The following SLC2A13 variants were observed in gnomAD, a reference collection of about 807,000 sequenced individuals.
SLC2A13 encodes the protein proton myo-inositol cotransporter.
In SLC2A13, 32 loss-of-function variants were observed where a neutral mutation model predicts 64.4. The observed-to-expected ratio is 0.50, with a 90% CI of 0.37 to 0.67. SLC2A13 has a LOEUF of 0.67. Among genes scored for constraint, SLC2A13 ranks in the 30% least tolerant of loss-of-function variants. SLC2A13 has a pLI of 0.00. For synonymous variants in SLC2A13, 338 were observed against 327.1 expected (o/e 1.03, Z -0.36); for missense variants, 743 against 829.2 (o/e 0.90, Z 1.28).
intron 1 of SLC2A13, among the ~76,000 whole-genome samples, chr12:40,078,252 G>C (rs1565617460): frequency 6.6e-6 from 1 of 152,044 alleles, no homozygotes. Context: ...ATGATTCCAG[G>C]TTTTACCCAT....
intron 1 of SLC2A13, among the ~76,000 whole-genome samples, chr12:40,070,110 G>C (rs1196535452): frequency 2.0e-5 from 3 of 150,428 alleles, no homozygotes; most frequent in African/African-American, 7.3e-5. Context: ...GTTTGACAAA[G>C]AGTATTATTA....
At chr12:39,809,646 T>C (rs938476968) in intron 7 of SLC2A13, among the ~76,000 whole-genome samples, 3 of 152,176 alleles carry the variant, frequency 2.0e-5, no homozygotes, top group Non-Finnish European at 4.4e-5. Context: ...CCTAATGCTA[T>C]CCTTTCCCCA....
chr12:39,878,088 C>A (rs1944237331), intron 4 of SLC2A13, among the ~76,000 whole-genome samples: 2 of 152,204 alleles, frequency 1.3e-5, no homozygotes, highest in Admixed American at 1.3e-4. Context: ...TCCCAAGAAG[C>A]TAAGCAGATG....
rs1448666197 is a variant in SLC2A13, at chr12:39,896,521, CATGTATACATGT to C, written c.1035-24572_1035-24561del. Among the ~76,000 whole-genome samples, 180 of 126,744 alleles carry C rather than the reference CATGTATACATGT, an allele frequency of 1.4e-3. 2 individuals are homozygous for C. The highest frequency in any genetic ancestry group is 5.1e-3 in the African/African-American group (169 of 33,332). 83.1% of individuals were successfully genotyped at this position (126,744 alleles called of 152,430 possible). A position where few individuals can be genotyped will look rare whatever the true frequency, so the allele number is the denominator to read the frequency against. ...ATATATGTATGTACATGTGTGTATA[CATGTATACATGT>C]ATGTATGTATGTGTGTATACATGTA... On this transcript the variant is annotated intron_variant, in intron 4 of 9. Coordinates refer to ENST00000280871, the MANE Select transcript of SLC2A13 (RefSeq NM_052885.4).
Position 39,871,098 on chromosome 12 carries a change from A to G in SLC2A13, c.1198+700T>C, listed in dbSNP as rs150280495. Among the ~76,000 whole-genome samples the G allele has an allele frequency of 2.3e-3, 348 of 152,320 alleles. 1 individual carries two copies. The highest frequency in any genetic ancestry group is 7.9e-3 in the African/African-American group (327 of 41,582). ...CATATTTGAAAAAAATTAGAAAATT[A>G]TACCATGCAGCCATGTAAAATCAAT... On this transcript the variant is annotated intron_variant, in intron 5 of 9. Coordinates refer to ENST00000280871, the MANE Select transcript of SLC2A13 (RefSeq NM_052885.4).
chr12:39,844,244 TG>T (rs898999810), intron 6 of SLC2A13, among the ~76,000 whole-genome samples: 7 of 152,102 alleles, frequency 4.6e-5, no homozygotes, highest in African/African-American at 1.7e-4. Context: ...TTCTACTTAT[TG>T]AGAACTTTTA....
At chr12:39,951,524 T>C (rs904505633) in intron 3 of SLC2A13, among the ~76,000 whole-genome samples, 159 bp from the exon 4 acceptor site, 1 of 152,182 alleles carries the variant, frequency 6.6e-6, no homozygotes, top group Non-Finnish European at 1.5e-5. Flanking sequence ...CTGGGTACAA[T>C]ATTTTATTTT....
intron 2 of SLC2A13, among the ~76,000 whole-genome samples, chr12:40,037,100 C>T (rs761127403): frequency 6.6e-6 from 1 of 152,082 alleles, no homozygotes; most frequent in Non-Finnish European, 1.5e-5. Flanking sequence ...GATTTATTCC[C>T]CTTTTACATA....
chr12:39,962,492 TCA>T (rs974265723), intron 3 of SLC2A13, among the ~76,000 whole-genome samples: 2 of 152,224 alleles, frequency 1.3e-5, no homozygotes, highest in Admixed American at 6.5e-5. Context: ...CTTAGAATAC[TCA>T]CAGTCACCCA....
At chr12:40,092,254 T>C (rs1351657600) in intron 1 of SLC2A13, among the ~76,000 whole-genome samples, 1 of 152,198 alleles carries the variant, frequency 6.6e-6, no homozygotes, top group Non-Finnish European at 1.5e-5. Flanking sequence ...TGTTGGACAA[T>C]GTAACTTTCC....
intron 3 of SLC2A13, among the ~76,000 whole-genome samples, chr12:39,991,428 T>C (rs1047027922): frequency 6.6e-6 from 1 of 152,134 alleles, no homozygotes; most frequent in Non-Finnish European, 1.5e-5. Context: ...CCTACTTAAG[T>C]AGACACAGGA....
chr12:39,871,354 T>TC (rs1178512994), intron 5 of SLC2A13, among the ~76,000 whole-genome samples: 16 of 150,418 alleles, frequency 1.1e-4, no homozygotes, highest in Non-Finnish European at 2.2e-4. Flanking sequence ...ATTACATGGT[T>TC]CTAATATTCC....
chr12:39,797,499 T>G (rs1166508957), intron 7 of SLC2A13, among the ~76,000 whole-genome samples: 1 of 152,190 alleles, frequency 6.6e-6, no homozygotes, highest in East Asian at 1.9e-4. Flanking sequence ...TGACACAAAA[T>G]GAGGAGCTAA....
intron 3 of SLC2A13, among the ~76,000 whole-genome samples, chr12:39,969,010 C>T (rs1247317180): frequency 6.6e-6 from 1 of 151,982 alleles, no homozygotes; most frequent in East Asian, 1.9e-4. Flanking sequence ...CAAGTGTTCT[C>T]ATTGTTCAAT....
At chr12:40,100,613 C>T (rs945802926) in intron 1 of SLC2A13, among the ~76,000 whole-genome samples, 3 of 152,042 alleles carry the variant, frequency 2.0e-5, no homozygotes, top group African/African-American at 4.8e-5. Context: ...ATTATAGGTA[C>T]AATACTGCTA....
intron 3 of SLC2A13, among the ~76,000 whole-genome samples, chr12:39,980,470 T>C (rs1214952617): frequency 1.3e-5 from 2 of 151,042 alleles, no homozygotes; most frequent in African/African-American, 4.9e-5. Context: ...AATAAAAGGA[T>C]GGAGGAAGAT....
rs532725603 is a variant in SLC2A13, at chr12:39,996,160, C to T, written c.925+32141G>A. ...TCAAATGGAGATGAAGAACTTATTG[C>T]GGAATGGAGTAAAGGTGACTCTTGT... On this transcript the variant is annotated intron_variant, in intron 3 of 9. Coordinates refer to ENST00000280871, the MANE Select transcript of SLC2A13 (RefSeq NM_052885.4). Among the ~76,000 whole-genome samples the T allele has an allele frequency of 4.6e-5, 7 of 152,204 alleles. No individual in the cohort carries two copies. In the East Asian group the frequency reaches 5.8e-4, roughly 13 times the overall value.
chr12:40,048,214 T>C lies in SLC2A13; in HGVS notation c.557-4A>G, dbSNP rs370292251. On this transcript the variant is annotated splice_region_variant and splice_polypyrimidine_tract_variant and intron_variant, in intron 1 of 9. Transcript: ENST00000280871. Reference sequence around the variant, plus strand: ...GGCACTGTCATAGAAGCAATGCCTATAAAAACAATGAAAAGTAAATGTGAG... The same window carrying C: ...GGCACTGTCATAGAAGCAATGCCTACAAAAACAATGAAAAGTAAATGTGAG... 6.3e-7 allele frequency: 1 copy of C among 1,586,732 alleles called. No homozygotes were observed. The highest frequency in any genetic ancestry group is 8.5e-7 in the Non-Finnish European group (1 of 1,172,398).
At chr12:39,763,645 C>T (rs187305454) in intron 9 of SLC2A13, among the ~76,000 whole-genome samples, 27 of 152,128 alleles carry the variant, frequency 1.8e-4, no homozygotes, top group African/African-American at 6.3e-4. Flanking sequence ...ATGAGAGAAG[C>T]TCTTCTGGGA....
Sources: gnomAD v4.1 joint callset for allele counts (sites outside exome capture counted in the v4.1 genomes callset) on GRCh38, gnomAD v4.1.1 for gene constraint, MANE v1.5 for transcripts, NCBI Gene and HGNC (gene_info 2026-07-23, HGNC 2026-07-21) for gene names.